Variants in NME7 observed in about 807,000 individuals in gnomAD.
The protein encoded by NME7 is nucleoside diphosphate kinase 7.
A neutral mutation model predicts 49.1 loss-of-function variants in NME7; 41 were observed. That is an observed-to-expected ratio of 0.83 (90% CI 0.65 to 1.08). The LOEUF (loss-of-function observed/expected upper bound fraction) is 1.08. Ranked by LOEUF, NME7 falls within the 50% of genes least tolerant of loss-of-function variation. The probability of loss-of-function intolerance (pLI) is 0.00; values close to 1 mark genes in which losing one functional copy is unlikely to be tolerated. For synonymous variants in NME7, 139 were observed against 150.6 expected (o/e 0.92, Z 0.56); for missense variants, 423 against 463.4 (o/e 0.91, Z 0.80).
At position 169,335,393 on chromosome 1, in the gene NME7, A is replaced by T. The variant is rs370989733; in HGVS notation, c.4-10893T>A. ...CTATGCAGCCATAACAAGGAATGAG[A>T]TCATGTCCTTTGCAGGGACATGGAT... On this transcript the variant is annotated intron_variant, in intron 1 of 11. Transcript: ENST00000367811. Among the ~76,000 whole-genome samples, 19 of 152,264 alleles carry T rather than the reference A, an allele frequency of 1.2e-4. No individual in the cohort carries two copies. In the East Asian group the frequency reaches 3.3e-3, roughly 26 times the overall value.
At chr1:169,168,341 T>C (rs1320991487) in intron 11 of NME7, among the ~76,000 whole-genome samples, 1 of 152,210 alleles carries the variant, frequency 6.6e-6, no homozygotes, top group Non-Finnish European at 1.5e-5. Flanking sequence ...AATTCTTTCT[T>C]CTGAAGAGGC....
chr1:169,147,460 G>A (rs1658790316), intron 11 of NME7, among the ~76,000 whole-genome samples: 2 of 152,178 alleles, frequency 1.3e-5, no homozygotes, highest in East Asian at 1.9e-4. Context: ...CTAGCTGTGT[G>A]GCCCTGGGGA....
At chr1:169,143,291 T>G (rs1210274119) in intron 11 of NME7, among the ~76,000 whole-genome samples, 3 of 146,288 alleles carry the variant, frequency 2.1e-5, no homozygotes, top group Admixed American at 2.0e-4. Context: ...TTTTTTTTTT[T>G]GCATTTTATA....
At chr1:169,230,925 C>A (rs555907749) in intron 9 of NME7, 106 bp from the exon 10 acceptor site, 11 of 621,256 alleles carry the variant, frequency 1.8e-5, no homozygotes, top group Middle Eastern at 3.4e-4. Flanking sequence ...TCTGTGACTT[C>A]TTCCCCACTT....
At chr1:169,307,724 T>C (rs991635016) in intron 4 of NME7, among the ~76,000 whole-genome samples, 1 of 152,112 alleles carries the variant, frequency 6.6e-6, no homozygotes, top group African/African-American at 2.4e-5. Flanking sequence ...GGTACTATTA[T>C]AAATCCCATT....
At chr1:169,138,234 C>G (rs926142428) in intron 11 of NME7, among the ~76,000 whole-genome samples, 4 of 152,052 alleles carry the variant, frequency 2.6e-5, no homozygotes, top group African/African-American at 4.8e-5. Flanking sequence ...TTGCTTGAAC[C>G]CCGGGGGTGG....
Position 169,365,233 on chromosome 1 carries a change from A to G in NME7, c.3+2475T>C, listed in dbSNP as rs536365535. Among the ~76,000 whole-genome samples, 67 of 152,202 alleles carry G rather than the reference A, an allele frequency of 4.4e-4. 1 individual carries two copies. In the South Asian group the frequency reaches 4.6e-3, roughly 10 times the overall value. On this transcript the variant is annotated intron_variant, in intron 1 of 11. Transcript: ENST00000367811. The stretch of plus-strand genomic sequence containing the variant: ...CCATTCCCTACCAACCTGCCCACAA[A>G]ATTATCCTTGAAAACCACAACTTCC...
chr1:169,244,322 G>A (rs1475194415), intron 7 of NME7, among the ~76,000 whole-genome samples: 1 of 152,080 alleles, frequency 6.6e-6, no homozygotes, highest in African/African-American at 2.4e-5. Context: ...CTGCTTAATA[G>A]AGAGAACATC....
rs187455193 is a variant in NME7, at chr1:169,150,584, A to T, written c.1099-17767T>A. Reference sequence around the variant, plus strand: ...TTGATTTTATTTGTTTTTAATAAACAGTAGGCAAAGGGATATTTTGGTTGT... The same window carrying T: ...TTGATTTTATTTGTTTTTAATAAACTGTAGGCAAAGGGATATTTTGGTTGT... On this transcript the variant is annotated intron_variant, in intron 11 of 11. Coordinates refer to ENST00000367811, the MANE Select transcript of NME7 (RefSeq NM_013330.5). Among the ~76,000 whole-genome samples, 119 of 152,330 alleles carry T rather than the reference A, an allele frequency of 7.8e-4. 1 individual carries two copies. Among genetic ancestry groups the T allele is most frequent in the Non-Finnish European group, 1.6e-3 (106 of 68,026 alleles).
At chr1:169,294,602 C>T (rs547165188) in intron 6 of NME7, among the ~76,000 whole-genome samples, 2 of 152,194 alleles carry the variant, frequency 1.3e-5, no homozygotes, top group South Asian at 4.1e-4. Context: ...TTCACATAAG[C>T]TCATTTTCCA....
chr1:169,265,047 G>GA (rs1649277685), intron 7 of NME7, among the ~76,000 whole-genome samples: 2 of 132,980 alleles, frequency 1.5e-5, no homozygotes, highest in East Asian at 4.0e-4. Flanking sequence ...GATCTCGTGA[G>GA]AACTCACTAA....
chr1:169,235,173 C>A lies in NME7; in HGVS notation c.846G>T (p.Glu282Asp). 6.4e-7 allele frequency: 1 copy of A among 1,551,246 alleles called. No homozygotes were observed. The highest frequency in any genetic ancestry group is 8.8e-7 in the Non-Finnish European group (1 of 1,133,474). ...CTCCTTTATAAACTTCATAGAATTC[C>A]TCAACATTAACCCGATCCATATTGA... is the stretch of plus-strand genomic sequence containing the variant. ...QMFNMDRVNV[E>D]EFYEVYKGVV... The change falls in exon 9 of 12, where the codon GAG becomes GAT. Residue 282 changes from glutamate (E) to aspartate (D), a missense_variant. By Grantham distance (45) the Glu-to-Asp change is conservative. Transcript: ENST00000367811.
intron 7 of NME7, among the ~76,000 whole-genome samples, chr1:169,277,996 A>G (rs1322684835): frequency 1.3e-5 from 2 of 151,096 alleles, no homozygotes; most frequent in Non-Finnish European, 3.0e-5. Context: ...CTTTTCTTTA[A>G]GAATGGTGAA....
At chr1:169,203,960 G>A (rs979930503) in intron 10 of NME7, among the ~76,000 whole-genome samples, 13 of 152,016 alleles carry the variant, frequency 8.6e-5, no homozygotes, top group African/African-American at 2.7e-4. Flanking sequence ...GGACTCAAGT[G>A]ATCTTCCTTC....
At chr1:169,353,938 C>CAT (rs1239120864) in intron 1 of NME7, among the ~76,000 whole-genome samples, 2 of 152,052 alleles carry the variant, frequency 1.3e-5, no homozygotes, top group East Asian at 3.9e-4. Flanking sequence ...AGGGAACACT[C>CAT]ATACACTGTT....
At chr1:169,365,586 A>G (rs1417831386) in intron 1 of NME7, among the ~76,000 whole-genome samples, 1 of 152,204 alleles carries the variant, frequency 6.6e-6, no homozygotes, top group South Asian at 2.1e-4. Context: ...ATGGAAAGGG[A>G]AAGGCAAAAG....
intron 1 of NME7, among the ~76,000 whole-genome samples, chr1:169,333,682 C>G (rs1652351797): frequency 6.6e-6 from 1 of 152,026 alleles, no homozygotes; most frequent in African/African-American, 2.4e-5. Flanking sequence ...GATCACACAG[C>G]TTATAAACAG....
chr1:169,259,458 T>C (rs1649090421), intron 7 of NME7, among the ~76,000 whole-genome samples: 1 of 134,166 alleles, frequency 7.5e-6, no homozygotes, highest in African/African-American at 2.5e-5. Flanking sequence ...TTGTTGTGTT[T>C]CCTTCTATTT....
intron 7 of NME7, among the ~76,000 whole-genome samples, chr1:169,265,839 G>A (rs116400081): frequency 0.019 from 2,523 of 132,280 alleles, 355 homozygotes; most frequent in African/African-American, 0.057. Flanking sequence ...TATGAACACC[G>A]TTATGCACAT....
Sources: allele counts gnomAD v4.1 joint callset (sites outside exome capture counted in the v4.1 genomes callset), GRCh38; gene constraint gnomAD v4.1.1; transcripts MANE v1.5; gene names NCBI Gene and HGNC (gene_info 2026-07-23, HGNC 2026-07-21).